Variants in NEBL observed in about 807,000 individuals in gnomAD.
NEBL encodes the protein LIM and SH3 protein 2.
A neutral mutation model predicts 140.2 loss-of-function variants in NEBL; 122 were observed. The ratio of observed to expected loss-of-function variants is 0.87; its 90% CI spans 0.75 to 1.01. NEBL has a LOEUF of 1.01. Among genes scored for constraint, NEBL ranks in the 50% least tolerant of loss-of-function variants. The pLI is 0.00. For synonymous variants in NEBL, 436 were observed against 398.9 expected (o/e 1.09, Z -1.11); for missense variants, 1,365 against 1,231.3 (o/e 1.11, Z -1.62).
upstream of NEBL, among the ~76,000 whole-genome samples, chr10:21,177,476 TCAA>T (rs1337302038): frequency 6.6e-6 from 1 of 152,080 alleles, no homozygotes; most frequent in Non-Finnish European, 1.5e-5. Flanking sequence ...TTCCACTTCA[TCAA>T]CAACAAGAAA....
chr10:20,858,174 G>A lies in NEBL; in HGVS notation c.903+66C>T, dbSNP rs1242147653. 5 of 1,250,970 alleles carry A rather than the reference G, an allele frequency of 4.0e-6. No individual in the cohort carries two copies. The African/African-American group carries it at 4.4e-5, about 11-fold the overall frequency. 77.5% of individuals were successfully genotyped at this position (1,250,970 alleles called of 1,614,324 possible). ...TAAGGAAGCAGGTGAGCACATGAAC[G>A]CTGCAGACATATTGGCTTCTTGGAG... On this transcript the variant is annotated intron_variant, in intron 9 of 27. Transcript: ENST00000377122.
At chr10:21,036,054 T>G (rs1024712749) in intron 2 of NEBL, among the ~76,000 whole-genome samples, 4 of 151,976 alleles carry the variant, frequency 2.6e-5, no homozygotes, top group African/African-American at 9.7e-5. Flanking sequence ...TCCCAGCTAC[T>G]CAGGGAGCCG....
intron 4 of NEBL, among the ~76,000 whole-genome samples, chr10:20,933,226 C>T (rs1834289492): frequency 6.6e-6 from 1 of 152,072 alleles, no homozygotes; most frequent in Non-Finnish European, 1.5e-5. Flanking sequence ...CTAATTAAGC[C>T]CTTTTTTATA....
At chr10:20,851,247 C>T (rs536262768) in intron 10 of NEBL, among the ~76,000 whole-genome samples, 1 of 152,108 alleles carries the variant, frequency 6.6e-6, no homozygotes, top group South Asian at 2.1e-4. Flanking sequence ...CAGAAATGTG[C>T]TCTTGATAAA....
At chr10:20,903,299 T>C (rs143782776) in intron 4 of NEBL, among the ~76,000 whole-genome samples, 193 of 152,086 alleles carry the variant, frequency 1.3e-3, no homozygotes, top group African/African-American at 4.6e-3. Context: ...TAAATGCAAA[T>C]TAAAACCACA....
Position 21,182,315 on chromosome 10 carries a change from A to T in NEBL, n.349-9838T>A, listed in dbSNP as rs562505663. Among the ~76,000 whole-genome samples, 52 of 152,178 alleles carry T rather than the reference A, an allele frequency of 3.4e-4. 1 individual carries two copies. The highest frequency in any genetic ancestry group is 1.1e-3 in the African/African-American group (46 of 41,520). ...AGCAAGGCCCTGTCTCTACCAAAAAAAATAATAATAACTAACTAGGTGTGG... is the reference window on the plus strand; with the variant it reads ...AGCAAGGCCCTGTCTCTACCAAAAATAATAATAATAACTAACTAGGTGTGG... On this transcript the variant is annotated intron_variant and non_coding_transcript_variant, in intron 3 of 8. Transcript: ENST00000675702.
chr10:21,080,240 A>C (rs1233124701), intron 2 of NEBL, among the ~76,000 whole-genome samples: 1 of 152,260 alleles, frequency 6.6e-6, no homozygotes, highest in Non-Finnish European at 1.5e-5. Flanking sequence ...ATCACTTTCT[A>C]AATAGATACT....
At chr10:20,795,844 G>A (rs1836453521) in intron 26 of NEBL, among the ~76,000 whole-genome samples, 1 of 152,072 alleles carries the variant, frequency 6.6e-6, no homozygotes, top group Admixed American at 6.5e-5. Flanking sequence ...ACCAATATAT[G>A]AAAGATTTAG....
At chr10:20,801,204 T>A (rs772854960) in intron 26 of NEBL, among the ~76,000 whole-genome samples, 2 of 151,912 alleles carry the variant, frequency 1.3e-5, no homozygotes, top group Non-Finnish European at 1.5e-5. Context: ...TTTTATTTAT[T>A]TTTATTTTTA....
chr10:21,000,125 C>T (rs1307595415), intron 3 of NEBL, among the ~76,000 whole-genome samples: 1 of 145,006 alleles, frequency 6.9e-6, no homozygotes, highest in Non-Finnish European at 1.5e-5. Context: ...TAGTGAAGAG[C>T]TTTGGCCACT....
intron 2 of NEBL, among the ~76,000 whole-genome samples, chr10:21,087,195 C>A (rs1302109779): frequency 6.6e-6 from 1 of 152,208 alleles, no homozygotes; most frequent in African/African-American, 2.4e-5. Context: ...CCAGACCCCC[C>A]ACCAATGATT....
In NEBL at chr10:20,947,864, A is replaced by G. The variant is rs78286187; in HGVS notation, c.357+13808T>C. On this transcript the variant is annotated intron_variant, in intron 4 of 6. Transcript: ENST00000417816. The stretch of plus-strand genomic sequence containing the variant: ...CAAACTTACACAGAAGTCTGCAATC[A>G]GACAATCTAACAAACACCGAATTAT... 1.9e-3 allele frequency among the ~76,000 whole-genome samples: 288 copies of G among 152,354 alleles called. 10 individuals are homozygous for G. In the East Asian group the frequency reaches 0.047, roughly 25 times the overall value.
chr10:21,057,261 G>T (rs1007518549), intron 2 of NEBL, among the ~76,000 whole-genome samples: 1 of 151,888 alleles, frequency 6.6e-6, no homozygotes. Flanking sequence ...TCCCGGGAAG[G>T]GTTGCTCTTT....
At chr10:20,890,336 A>G (rs1846925182) in intron 2 of NEBL, among the ~76,000 whole-genome samples, 2 of 152,220 alleles carry the variant, frequency 1.3e-5, no homozygotes, top group South Asian at 4.1e-4. Flanking sequence ...ACAGAAACAC[A>G]GCTGCCTACC....
intron 3 of NEBL, among the ~76,000 whole-genome samples, chr10:20,987,394 C>T (rs925905621): frequency 6.6e-6 from 1 of 152,136 alleles, no homozygotes; most frequent in Non-Finnish European, 1.5e-5. Context: ...CTGGATGACA[C>T]ACCCATTACT....
At chr10:20,883,881 A>G (rs557480096) in intron 4 of NEBL, among the ~76,000 whole-genome samples, 42 of 151,282 alleles carry the variant, frequency 2.8e-4, no homozygotes, top group Admixed American at 2.5e-3. Flanking sequence ...TTAAGATTAC[A>G]TCAAATTAGA....
At chr10:21,066,348 G>T (rs950183309) in intron 2 of NEBL, among the ~76,000 whole-genome samples, 2 of 152,142 alleles carry the variant, frequency 1.3e-5, no homozygotes, top group African/African-American at 4.8e-5. Flanking sequence ...CTAAATAACT[G>T]AATAAAATTC....
At chr10:20,923,756 A>G (rs1365810915) in intron 4 of NEBL, among the ~76,000 whole-genome samples, 1 of 149,548 alleles carries the variant, frequency 6.7e-6, no homozygotes, top group African/African-American at 2.5e-5. Context: ...TTAATGTTGA[A>G]GCTGTCAAGC....
chr10:20,870,375 T>C (rs1302865498), intron 5 of NEBL, among the ~76,000 whole-genome samples: 1 of 126,770 alleles, frequency 7.9e-6, no homozygotes, highest in East Asian at 2.2e-4. Context: ...ACCTAAGAAA[T>C]AAGACTAAGA....
Sources: allele counts gnomAD v4.1 joint callset (sites outside exome capture counted in the v4.1 genomes callset), GRCh38; gene constraint gnomAD v4.1.1; transcripts MANE v1.5; gene names NCBI Gene and HGNC (gene_info 2026-07-23, HGNC 2026-07-21).